DGKG: variants seen among roughly 807,000 people sequenced by gnomAD.
The protein encoded by DGKG is DAG kinase gamma.
In DGKG, 78 loss-of-function variants were observed where a neutral mutation model predicts 105.3. The observed-to-expected ratio is 0.74, with a 90% CI of 0.62 to 0.89. The LOEUF is 0.89. Among genes scored for constraint, DGKG ranks in the 40% least tolerant of loss-of-function variants. DGKG has a pLI of 0.00. For synonymous variants in DGKG, 346 were observed against 367.1 expected, an observed-to-expected ratio of 0.94 and a Z score of 0.66; for missense variants, 958 against 1,020.1, an observed-to-expected ratio of 0.94 and a Z score of 0.83.
Position 186,203,358 on chromosome 3 carries a change from T to C in DGKG, c.1917+8437A>G, listed in dbSNP as rs1053919896. Among the ~76,000 whole-genome samples, 1 of 152,224 alleles carries C rather than the reference T, an allele frequency of 6.6e-6. No individual in the cohort carries two copies. The highest frequency in any genetic ancestry group is 1.5e-5 in the Non-Finnish European group (1 of 68,034). On this transcript the variant is annotated intron_variant, in intron 21 of 24. Transcript: ENST00000265022. This position sits in a 1 kb window ranked among gnomAD's most constrained non-coding sequence, Gnocchi z 4.9. Reference sequence around the variant, plus strand: ...CCTAAGATTGAAACGAGGCCAATGTTGTAGCAGTGCTGATTCCTGGTTGGT... The same window carrying C: ...CCTAAGATTGAAACGAGGCCAATGTCGTAGCAGTGCTGATTCCTGGTTGGT...
intron 10 of DGKG, among the ~76,000 whole-genome samples, chr3:186,273,215 A>T (rs1722402691): frequency 6.6e-6 from 1 of 152,194 alleles, no homozygotes; most frequent in South Asian, 2.1e-4. Context: ...TCTGGGTCAG[A>T]GTAGCTATTC....
chr3:186,246,571 T>C (rs1316826372), intron 19 of DGKG, among the ~76,000 whole-genome samples: 1 of 151,872 alleles, frequency 6.6e-6, no homozygotes, highest in Non-Finnish European at 1.5e-5. Flanking sequence ...GAAATTGGGG[T>C]TGTTCTGAAA....
chr3:186,226,851 C>T lies in DGKG; in HGVS notation c.1827-14966G>A, dbSNP rs146745549. Among the ~76,000 whole-genome samples the T allele has an allele frequency of 1.1e-3, 167 of 152,296 alleles. 1 individual carries two copies. Among genetic ancestry groups the T allele is most frequent in the African/African-American group, 3.5e-3 (147 of 41,570 alleles). ...AATAAACATGAATATTCAGCAATTA[C>T]GTAATTCCCTGCTGTGTTAGTAATT... is the stretch of plus-strand genomic sequence containing the variant. On this transcript the variant is annotated intron_variant, in intron 20 of 24. Coordinates refer to ENST00000265022, the MANE Select transcript of DGKG (RefSeq NM_001346.3). The surrounding 1 kb of genome is among the most constrained non-coding windows in gnomAD (Gnocchi z 4.2).
intron 1 of DGKG, among the ~76,000 whole-genome samples, chr3:186,333,852 G>A (rs1725708196): frequency 6.6e-6 from 1 of 152,130 alleles, no homozygotes; most frequent in African/African-American, 2.4e-5. Context: ...GGCGTGGTAT[G>A]TACGTGTGTG....
intron 20 of DGKG, among the ~76,000 whole-genome samples, chr3:186,224,007 G>T (rs1719728362): frequency 6.6e-6 from 1 of 152,222 alleles, no homozygotes; most frequent in South Asian, 2.1e-4. Flanking sequence ...CTCCCAGCCA[G>T]TTCCTTGGGA....
rs1230647603 is a variant in DGKG at position 186,284,206 on chromosome 3, A to G, written c.594+454T>C. ...GCAAAGCACATCAGCAGTGACCAGC[A>G]GCCTCCTTCCTCTGAAATCAGCAGT... is the stretch of plus-strand genomic sequence containing the variant. On this transcript the variant is annotated intron_variant, in intron 7 of 24. Coordinates refer to ENST00000265022, the MANE Select transcript of DGKG (RefSeq NM_001346.3). The surrounding 1 kb of genome is among the most constrained non-coding windows in gnomAD (Gnocchi z 4.0). 6.6e-6 allele frequency among the ~76,000 whole-genome samples: 1 copy of G among 152,160 alleles called. No individual in the cohort carries two copies. The highest frequency in any genetic ancestry group is 1.5e-5 in the Non-Finnish European group (1 of 68,024).
intron 9 of DGKG, 135 bp from the exon 10 acceptor site, chr3:186,275,799 A>T (rs1722554983): frequency 3.5e-6 from 2 of 568,878 alleles, no homozygotes; most frequent in Non-Finnish European, 5.9e-6. Context: ...TGTTTTAAAT[A>T]CAAATAAAAA....
intron 1 of DGKG, among the ~76,000 whole-genome samples, chr3:186,346,018 C>T (rs892349870): frequency 2.6e-5 from 4 of 152,200 alleles, no homozygotes; most frequent in Non-Finnish European, 4.4e-5. Context: ...CCACCTGCCT[C>T]GGCCTCCCAA....
intron 19 of DGKG, among the ~76,000 whole-genome samples, chr3:186,246,151 T>C (rs1578719954): frequency 2.0e-5 from 3 of 152,184 alleles, no homozygotes; most frequent in African/African-American, 7.2e-5. Context: ...TTTGTACTTT[T>C]AGTAGAGACG....
At chr3:186,243,977 A>T (rs1720815214) in intron 19 of DGKG, among the ~76,000 whole-genome samples, 1 of 143,882 alleles carries the variant, frequency 7.0e-6, no homozygotes, top group Non-Finnish European at 1.5e-5. Context: ...TCTCACTGCA[A>T]CCTCTGCCTC....
chr3:186,326,503 C>T (rs969150385), intron 1 of DGKG, among the ~76,000 whole-genome samples: 12 of 151,970 alleles, frequency 7.9e-5, no homozygotes, highest in African/African-American at 2.4e-4. Context: ...ATACTTACAC[C>T]TCCAACTCCA....
chr3:186,353,632 A>ATCTATATCTATGTCTATG (rs1726752198), intron 1 of DGKG, among the ~76,000 whole-genome samples: 2 of 128,056 alleles, frequency 1.6e-5, no homozygotes, highest in East Asian at 2.1e-4. Context: ...CTCTATCTAT[A>ATCTATATCTATGTCTATG]TCTATATCTA....
chr3:186,175,525 C>T (rs1053550326), intron 22 of DGKG, among the ~76,000 whole-genome samples: 10 of 152,092 alleles, frequency 6.6e-5, no homozygotes, highest in South Asian at 2.1e-4. Flanking sequence ...GGCAGTGCCC[C>T]GGCAGAGCTG....
chr3:186,206,974 C>T (rs1162228390), intron 21 of DGKG, among the ~76,000 whole-genome samples: 2 of 152,088 alleles, frequency 1.3e-5, no homozygotes, highest in African/African-American at 4.8e-5. Flanking sequence ...GTCTCGAACT[C>T]CTGACCTCAG....
At chr3:186,304,142 C>G (rs1000368362) in intron 3 of DGKG, among the ~76,000 whole-genome samples, 38 of 152,236 alleles carry the variant, frequency 2.5e-4, no homozygotes, top group Non-Finnish European at 3.5e-4. Context: ...GCCTCCACAC[C>G]TGCAGTGGCC....
chr3:186,321,593 C>T (rs931885731), intron 1 of DGKG, among the ~76,000 whole-genome samples: 3 of 152,194 alleles, frequency 2.0e-5, no homozygotes, highest in African/African-American at 4.8e-5. Flanking sequence ...TGCCAAAGAA[C>T]AAGCACAGTT....
intron 20 of DGKG, among the ~76,000 whole-genome samples, chr3:186,229,690 A>T (rs183311434): frequency 1.1e-4 from 17 of 152,222 alleles, no homozygotes; most frequent in Admixed American, 5.9e-4. Flanking sequence ...ATACCCACGA[A>T]CTCCTGAAAA....
chr3:186,259,929 G>A lies in DGKG; in HGVS notation c.1424+510C>T, dbSNP rs552183314. 4.6e-5 allele frequency among the ~76,000 whole-genome samples: 7 copies of A among 152,260 alleles called. No homozygotes were observed. The East Asian group carries it at 7.7e-4, about 17-fold the overall frequency. ...GGAGGAGCAAAACAACCTCAAAATC[G>A]AATGATTTAGAAAACAAAAGTGATT... On this transcript the variant is annotated intron_variant, in intron 16 of 24. Coordinates refer to ENST00000265022, the MANE Select transcript of DGKG (RefSeq NM_001346.3).
Position 186,306,508 on chromosome 3 carries a change from G to A in DGKG, c.144+393C>T, listed in dbSNP as rs563369401. On this transcript the variant is annotated intron_variant, in intron 3 of 24. Transcript: ENST00000265022. ...GAGTGCACACGTGGGGGAGTTGGAC[G>A]TAGATAGGAGCATGGAGAGGTCATC... is the stretch of plus-strand genomic sequence containing the variant. 1.8e-4 allele frequency among the ~76,000 whole-genome samples: 28 copies of A among 152,250 alleles called. 1 individual carries two copies. Among genetic ancestry groups the A allele is most frequent in the South Asian group, 6.2e-4 (3 of 4,822 alleles).
Sources: allele counts gnomAD v4.1 joint callset (sites outside exome capture counted in the v4.1 genomes callset), GRCh38; gene constraint gnomAD v4.1.1; non-coding constraint Gnocchi (gnomAD v3.1); transcripts MANE v1.5; gene names NCBI Gene and HGNC (gene_info 2026-07-23, HGNC 2026-07-21).